SVIL: variants seen among roughly 807,000 people sequenced by gnomAD.
SVIL encodes the protein archvillin.
Under a neutral mutation model 240.4 loss-of-function variants are expected in SVIL, and 101 were observed. The ratio of observed to expected loss-of-function variants is 0.42; its 90% CI spans 0.36 to 0.50. SVIL has a LOEUF of 0.50. Among genes scored for constraint, SVIL ranks in the 20% least tolerant of loss-of-function variants. The pLI is 0.01. For missense variants in SVIL, 2,512 were observed against 2,818.7 expected, an observed-to-expected ratio of 0.89 and a Z score of 2.46; for synonymous variants, 999 against 1,100.0, an observed-to-expected ratio of 0.91 and a Z score of 1.82.
At chr10:29,683,316 T>C (rs1960809258) in intron 2 of SVIL, among the ~76,000 whole-genome samples, 1 of 152,168 alleles carries the variant, frequency 6.6e-6, no homozygotes, top group Non-Finnish European at 1.5e-5. Context: ...AGGGTGTTAG[T>C]ATGCAAATGA....
rs1166693748 is a variant in SVIL, at chr10:29,735,435, C to A, written c.-400+316G>T. ...CGAAACTCCGCGGAGAGAAACCCTG[C>A]CCCGGCCCGCTCCTCCCCGAGGCGC... On this transcript the variant is annotated intron_variant, in intron 1 of 35. Coordinates refer to the SVIL transcript ENST00000375400. This position sits in a 1 kb window ranked among gnomAD's most constrained non-coding sequence, Gnocchi z 4.1. 4.6e-5 allele frequency among the ~76,000 whole-genome samples: 7 copies of A among 152,134 alleles called. No homozygotes were observed. The highest frequency in any genetic ancestry group is 1.4e-4 in the African/African-American group (6 of 41,546).
intron 17 of SVIL, among the ~76,000 whole-genome samples, chr10:29,503,946 A>C (rs1949083606): frequency 6.6e-6 from 1 of 152,240 alleles, no homozygotes. Context: ...CAACTTCAAG[A>C]CTTACTATAA....
intron 1 of SVIL, among the ~76,000 whole-genome samples, chr10:29,598,017 A>G (rs1465594037): frequency 6.6e-6 from 1 of 152,142 alleles, no homozygotes; most frequent in African/African-American, 2.4e-5. Flanking sequence ...TTGATGGGTG[A>G]ATGGGTCAAC....
At chr10:29,483,977 C>A (rs913266250) in intron 27 of SVIL, 2 of 152,112 alleles carry the variant, frequency 1.3e-5, no homozygotes, top group Non-Finnish European at 2.9e-5. Context: ...AGTTAAAAAG[C>A]ACTAGTTTTT....
intron 6 of SVIL, among the ~76,000 whole-genome samples, chr10:29,543,175 A>G (rs1326706494): frequency 6.6e-6 from 1 of 152,220 alleles, no homozygotes; most frequent in African/African-American, 2.4e-5. Context: ...TCTGATTGCA[A>G]AAATTCAAAA....
At chr10:29,501,958 G>A (rs1034844002) in intron 17 of SVIL, among the ~76,000 whole-genome samples, 4 of 152,118 alleles carry the variant, frequency 2.6e-5, no homozygotes, top group African/African-American at 4.8e-5. Flanking sequence ...AGTGGGTGTG[G>A]ATAATGACTC....
rs113293105 is a variant in SVIL, at chr10:29,491,112, T to C, written c.4020-93A>G. 5.1e-4 allele frequency: 708 copies of C among 1,397,566 alleles called. 6 individuals are homozygous for C. In the African/African-American group the frequency reaches 9.2e-3, roughly 18 times the overall value. 86.6% of individuals were successfully genotyped at this position (1,397,566 alleles called of 1,614,324 possible). ...TGGACTCCACAAAGTATTTCCTGAT[T>C]TTGTTACAAATCTTGCAACTCTTCC... On this transcript the variant is annotated intron_variant, in intron 21 of 37. Transcript: ENST00000355867.
Position 29,524,516 on chromosome 10 carries a change from C to T in SVIL, c.2542G>A (p.Ala848Thr), listed in dbSNP as rs763543749. Reference sequence around the variant, plus strand: ...GTGACTGGCTGAGTTTGATAGCGAGCGTTCATTCTCCTCTGTCTCGTGTCT... The same window carrying T: ...GTGACTGGCTGAGTTTGATAGCGAGTGTTCATTCTCCTCTGTCTCGTGTCT... The part of the protein sequence containing the change: ...RIDTRQRRMN[A>T]RYQTQPVTLG... The change falls in exon 14 of 38, where the codon GCT (alanine) becomes ACT (threonine). Residue 848 changes from alanine to threonine, a missense_variant. This residue lies in a region of SVIL where 1,443 missense variants were observed against 1,486.6 expected (regional missense o/e 0.97). Coordinates refer to ENST00000355867, the MANE Select transcript of SVIL (RefSeq NM_021738.3). 6.2e-6 allele frequency: 10 copies of T among 1,614,030 alleles called. No individual in the cohort carries two copies. Among genetic ancestry groups the T allele is most frequent in the Admixed American group, 5.0e-5 (3 of 59,990 alleles).
chr10:29,526,990 A>C lies in SVIL; in HGVS notation c.2313T>G (p.Thr771=). The change falls in exon 13 of 38, where the codon ACT becomes ACG. Residue 771 remains threonine (T), a synonymous_variant. Transcript: ENST00000355867. ...HPVMARLPSP[T]VARSAVQPAR... ...CAGGCTGCACAGCGCTCCTAGCTAC[A>C]GTGGGGCTAGGAAGTCTCGCCATTA... 6.2e-7 allele frequency: 1 copy of C among 1,611,030 alleles called. No homozygotes were observed. The highest frequency in any genetic ancestry group is 2.2e-5 in the East Asian group (1 of 44,868).
chr10:29,524,768 G>T, intron 13 of SVIL, 53 bp from the exon 14 acceptor site: 1 of 1,598,152 alleles, frequency 6.3e-7, no homozygotes, highest in Non-Finnish European at 8.5e-7. Flanking sequence ...AAAGCACACC[G>T]CTAAGTTTCT....
At chr10:29,512,636 C>T (rs1335259491) in intron 17 of SVIL, 99 bp downstream of exon 17, 5 of 1,599,462 alleles carry the variant, frequency 3.1e-6, no homozygotes, top group Non-Finnish European at 4.3e-6. Flanking sequence ...TGCACAAATG[C>T]TTCACAGAGT....
intron 1 of SVIL, among the ~76,000 whole-genome samples, chr10:29,714,411 C>G (rs1963490978): frequency 6.6e-6 from 1 of 152,164 alleles, no homozygotes; most frequent in South Asian, 2.1e-4. Flanking sequence ...ACACATTCAC[C>G]ACGAGTCTTT....
intron 1 of SVIL, among the ~76,000 whole-genome samples, chr10:29,579,484 G>A (rs1338582563): frequency 2.0e-5 from 3 of 151,998 alleles, no homozygotes; most frequent in Non-Finnish European, 4.4e-5. Flanking sequence ...AAACAAAAAC[G>A]GGGACAATGA....
chr10:29,572,774 A>AAAAAG (rs1447363217), intron 1 of SVIL, among the ~76,000 whole-genome samples: 2 of 151,136 alleles, frequency 1.3e-5, no homozygotes, highest in African/African-American at 4.9e-5. Flanking sequence ...AAAAAAAAAA[A>AAAAAG]AAAAAAAGAA....
At chr10:29,520,713 G>C (rs1256745917) in intron 16 of SVIL, among the ~76,000 whole-genome samples, 9 of 152,034 alleles carry the variant, frequency 5.9e-5, no homozygotes, top group Admixed American at 5.9e-4. Context: ...TTCGAGACCA[G>C]CCTGGGCAAC....
At chr10:29,603,993 T>C (rs1308897065) in intron 1 of SVIL, among the ~76,000 whole-genome samples, 1 of 152,174 alleles carries the variant, frequency 6.6e-6, no homozygotes, top group Non-Finnish European at 1.5e-5. Context: ...CAGAAGAATA[T>C]TTCACAGTGA....
In SVIL at chr10:29,528,146, G is replaced by T. The variant is rs948253244; in HGVS notation, c.2247-1090C>A. On this transcript the variant is annotated intron_variant, in intron 12 of 37. Transcript: ENST00000355867. ...TTATATTTACTGTTTTGCTCCCATG[G>T]GTATCTGCCTGTTATTTTACACCAG... 4.6e-5 allele frequency among the ~76,000 whole-genome samples: 7 copies of T among 152,178 alleles called. No homozygotes were observed. In the East Asian group the frequency reaches 1.4e-3, roughly 29 times the overall value.
chr10:29,705,447 A>G (rs1166485074), intron 1 of SVIL, among the ~76,000 whole-genome samples: 2 of 152,008 alleles, frequency 1.3e-5, no homozygotes. Flanking sequence ...AAGGAGGCGG[A>G]GGGAGAATAT....
chr10:29,523,386 G>C (rs1229050849), intron 15 of SVIL, 65 bp downstream of exon 15: 2 of 1,452,150 alleles, frequency 1.4e-6, no homozygotes, highest in Non-Finnish European at 1.9e-6. Flanking sequence ...CATAGACACA[G>C]GACAAATCAA....
Sources: allele counts gnomAD v4.1 joint callset (sites outside exome capture counted in the v4.1 genomes callset), GRCh38; gene constraint gnomAD v4.1.1; regional missense constraint gnomAD v4.1.1; non-coding constraint Gnocchi (gnomAD v3.1); transcripts MANE v1.5; gene names NCBI Gene and HGNC (gene_info 2026-07-23, HGNC 2026-07-21).